The following CUL3 variants were observed in gnomAD, a reference collection of about 807,000 sequenced individuals.
CUL3 encodes the protein cullin-3.
A neutral mutation model predicts 89.1 loss-of-function variants in CUL3; 19 were observed. The observed-to-expected ratio is 0.21, with a 90% CI of 0.15 to 0.31. The LOEUF (loss-of-function observed/expected upper bound fraction) is 0.31, where lower values mean the gene tolerates loss of function less well. Among genes scored for constraint, CUL3 ranks in the 10% least tolerant of loss-of-function variants. CUL3 has a pLI of 1.00. For missense variants in CUL3, 469 were observed against 942.3 expected, an observed-to-expected ratio of 0.50 and a Z score of 6.58; for synonymous variants, 351 against 308.4, an observed-to-expected ratio of 1.14 and a Z score of -1.45.
At position 224,565,143 on chromosome 2, in the gene CUL3, C is replaced by T. The variant is rs1016867678; in HGVS notation, c.67-7287G>A. ...CCCCCAACTACTAATAGCTTACTGT[C>T]GACCCAAAGCTTTACCAATAACATA... On this transcript the variant is annotated intron_variant, in intron 1 of 15. Coordinates refer to ENST00000264414, the MANE Select transcript of CUL3 (RefSeq NM_003590.5). 2.6e-5 allele frequency among the ~76,000 whole-genome samples: 4 copies of T among 152,224 alleles called. No homozygotes were observed. In the South Asian group the frequency reaches 8.3e-4, roughly 32 times the overall value.
At chr2:224,502,168 C>T (rs568680763) in intron 10 of CUL3, among the ~76,000 whole-genome samples, 8 of 152,120 alleles carry the variant, frequency 5.3e-5, no homozygotes, top group Admixed American at 4.6e-4. Context: ...ATCTGGTTTG[C>T]GAGACTATAA....
intron 1 of CUL3, among the ~76,000 whole-genome samples, chr2:224,569,228 C>T (rs1277792008): frequency 6.6e-6 from 1 of 152,092 alleles, no homozygotes; most frequent in Non-Finnish European, 1.5e-5. Flanking sequence ...ACTAATGCGT[C>T]AGCAAAACAA....
At chr2:224,554,308 T>C (rs1049906953) in intron 2 of CUL3, among the ~76,000 whole-genome samples, 4 of 152,206 alleles carry the variant, frequency 2.6e-5, no homozygotes, top group Admixed American at 6.5e-5. Flanking sequence ...ATTAGATTCA[T>C]AATAATTTTA....
chr2:224,505,932 A>C, intron 8 of CUL3, 24 bp downstream of exon 8: 2 of 1,404,188 alleles, frequency 1.4e-6, no homozygotes, highest in Non-Finnish European at 1.9e-6. Flanking sequence ...ATTAAATGTT[A>C]TTTTCAAATG....
At position 224,513,986 on chromosome 2, in the gene CUL3, T is replaced by C. The variant is rs571252060; in HGVS notation, c.540-348A>G. 2.9e-4 allele frequency among the ~76,000 whole-genome samples: 44 copies of C among 152,344 alleles called. 1 individual carries two copies. Among genetic ancestry groups the C allele is most frequent in the Admixed American group, 3.9e-4 (6 of 15,302 alleles). On this transcript the variant is annotated intron_variant, in intron 4 of 15. Coordinates refer to ENST00000264414, the MANE Select transcript of CUL3 (RefSeq NM_003590.5). Reference sequence around the variant, plus strand: ...CATGGGTCCAATATACAGCTACTCCTGGGCAATATAACTTTTTGCACTACA... The same window carrying C: ...CATGGGTCCAATATACAGCTACTCCCGGGCAATATAACTTTTTGCACTACA...
chr2:224,505,884 G>T (rs2106202227), intron 8 of CUL3, 72 bp downstream of exon 8: 1 of 1,010,888 alleles, frequency 9.9e-7, no homozygotes, highest in Non-Finnish European at 1.4e-6. Flanking sequence ...TCTGTGAAAT[G>T]TCCTAATTTT....
intron 2 of CUL3, among the ~76,000 whole-genome samples, chr2:224,550,312 A>G (rs1191225549): frequency 6.6e-6 from 1 of 152,188 alleles, no homozygotes; most frequent in Admixed American, 6.5e-5. Context: ...TTTGTCTGTG[A>G]AATAAAGTTT....
chr2:224,557,363 GA>G lies in CUL3; in HGVS notation c.264+295del, dbSNP rs145172584. On this transcript the variant is annotated intron_variant, in intron 2 of 15. Coordinates refer to ENST00000264414, the MANE Select transcript of CUL3 (RefSeq NM_003590.5). ...AATGGGCTGATTAAATCATTTTAAG[GA>G]AAAAAATTCCTTGTAATTAACATAT... 0.29 allele frequency among the ~76,000 whole-genome samples: 43,889 copies of G among 151,758 alleles called. 6,637 individuals are homozygous for G. The highest frequency in any genetic ancestry group is 0.41 in the Middle Eastern group (120 of 292).
At position 224,471,822 on chromosome 2, in the gene CUL3, A is replaced by G. The variant is rs1691142347; in HGVS notation, c.*2423T>C. ...TTACACTTTAACAGTTACTGAAGAG[A>G]TGACATGATTTTTGCAGTTGAAAAA... On this transcript the variant is annotated 3_prime_UTR_variant, in exon 16 of 16. Coordinates refer to ENST00000264414, the MANE Select transcript of CUL3 (RefSeq NM_003590.5). The G allele has an allele frequency of 4.4e-6, 1 of 228,990 alleles. No individual in the cohort carries two copies. Among genetic ancestry groups the G allele is most frequent in the South Asian group, 1.8e-4 (1 of 5,500 alleles). The allele number at this position is 228,990 out of a possible 1,614,324, so 14.2% of individuals were successfully genotyped here.
intron 10 of CUL3, 82 bp from the exon 11 acceptor site, chr2:224,500,569 A>G (rs916460318): frequency 1.8e-5 from 24 of 1,342,206 alleles, no homozygotes; most frequent in Non-Finnish European, 2.5e-5. Context: ...TGTTAGATTT[A>G]CCAAAGCAGT....
At chr2:224,525,871 A>G (rs1693454409) in intron 3 of CUL3, among the ~76,000 whole-genome samples, 1 of 152,222 alleles carries the variant, frequency 6.6e-6, no homozygotes, top group Non-Finnish European at 1.5e-5. Context: ...TTAAGATGGT[A>G]TAAAACTTAA....
intron 3 of CUL3, among the ~76,000 whole-genome samples, chr2:224,530,056 G>A (rs1038839032): frequency 3.9e-5 from 6 of 152,018 alleles, no homozygotes; most frequent in African/African-American, 1.5e-4. Context: ...GGCTAACACA[G>A]TGAAACCCCG....
intron 1 of CUL3, among the ~76,000 whole-genome samples, chr2:224,579,372 C>T (rs1039557110): frequency 4.6e-5 from 7 of 152,084 alleles, no homozygotes; most frequent in African/African-American, 1.4e-4. Flanking sequence ...CCTCTATGTA[C>T]CAGTCCAGGT....
chr2:224,535,095 CAAAG>C (rs1418425420), intron 3 of CUL3, among the ~76,000 whole-genome samples: 6 of 151,930 alleles, frequency 3.9e-5, no homozygotes. Flanking sequence ...TTGGCCCTTA[CAAAG>C]AAAGTACTGT....
chr2:224,535,524 T>C lies in CUL3; in HGVS notation c.378+4A>G. 6.5e-7 allele frequency: 1 copy of C among 1,543,230 alleles called. No homozygotes were observed. Among genetic ancestry groups the C allele is most frequent in the Non-Finnish European group, 8.8e-7 (1 of 1,139,402 alleles). ...GAAGAAAACATTTAAAAAGCTCTAC[T>C]TACCATGTACATTAGTATGTCTCTA... On this transcript the variant is annotated splice_donor_region_variant and intron_variant, in intron 3 of 15. Transcript: ENST00000264414.
At chr2:224,523,322 GAAC>G (rs1209764390) in intron 3 of CUL3, among the ~76,000 whole-genome samples, 1 of 150,854 alleles carries the variant, frequency 6.6e-6, no homozygotes, top group Non-Finnish European at 1.5e-5. Context: ...GCCCCTGGAA[GAAC>G]AACTATAAAA....
chr2:224,500,323 T>G lies in CUL3; in HGVS notation c.1610+40A>C, dbSNP rs764274417. ...CAAATTCATTTTTAATTTTGAACAC[T>G]TACTTGTACACAGTGATACAAAGTC... is the stretch of plus-strand genomic sequence containing the variant. On this transcript the variant is annotated intron_variant, in intron 11 of 15. Transcript: ENST00000264414. 2.5e-6 allele frequency: 4 copies of G among 1,602,186 alleles called. No individual in the cohort carries two copies. In the South Asian group the frequency reaches 4.4e-5, roughly 18 times the overall value.
At chr2:224,487,443 C>CAAAA (rs530054431) in intron 13 of CUL3, among the ~76,000 whole-genome samples, 3 of 28,076 alleles carry the variant, frequency 1.1e-4, no homozygotes, top group African/African-American at 2.0e-4. Flanking sequence ...CCGCCCCCCC[C>CAAAA]AAAAAAAAAA....
chr2:224,506,812 A>C (rs761039080), intron 7 of CUL3, 46 bp downstream of exon 7: 1 of 1,595,860 alleles, frequency 6.3e-7, no homozygotes, highest in East Asian at 2.2e-5. Flanking sequence ...AGCACTTGTC[A>C]AAATGCCTTT....
Sources: allele counts gnomAD v4.1 joint callset (sites outside exome capture counted in the v4.1 genomes callset), GRCh38; gene constraint gnomAD v4.1.1; transcripts MANE v1.5; gene names NCBI Gene and HGNC (gene_info 2026-07-23, HGNC 2026-07-21).